COL14A1: variants seen among roughly 807,000 people sequenced by gnomAD.
The protein encoded by COL14A1 is collagen alpha-1(XIV) chain.
A neutral mutation model predicts 230.3 loss-of-function variants in COL14A1; 136 were observed. That is an observed-to-expected ratio of 0.59 (90% CI 0.51 to 0.68). The LOEUF is 0.68. Among genes scored for constraint, COL14A1 ranks in the 30% least tolerant of loss-of-function variants. COL14A1 has a pLI of 0.00. For synonymous variants in COL14A1, 792 were observed against 784.1 expected (o/e 1.01, Z -0.17); for missense variants, 1,976 against 2,215.8 (o/e 0.89, Z 2.17).
intron 5 of COL14A1, among the ~76,000 whole-genome samples, chr8:120,169,078 A>G (rs1355857930): frequency 1.3e-5 from 2 of 151,912 alleles, no homozygotes; most frequent in African/African-American, 2.4e-5. Context: ...CTGGTCTCGA[A>G]CTCCTGACCT....
chr8:120,163,345 A>G (rs1171848649), intron 4 of COL14A1, among the ~76,000 whole-genome samples: 1 of 152,172 alleles, frequency 6.6e-6, no homozygotes, highest in Non-Finnish European at 1.5e-5. Context: ...CAAATAGTAA[A>G]TTGGGCATTT....
chr8:120,264,983 C>T (rs935961642), intron 24 of COL14A1, among the ~76,000 whole-genome samples: 3 of 152,124 alleles, frequency 2.0e-5, no homozygotes, highest in Non-Finnish European at 4.4e-5. Flanking sequence ...TAAATGTTTT[C>T]CTTATGTTGG....
chr8:120,206,533 G>C (rs935023775), intron 9 of COL14A1, among the ~76,000 whole-genome samples: 5 of 152,190 alleles, frequency 3.3e-5, no homozygotes, highest in Non-Finnish European at 7.4e-5. Context: ...ATTTGTAGTA[G>C]AGACGGGGTT....
intron 6 of COL14A1, 66 bp from the exon 7 acceptor site, chr8:120,197,745 T>G (rs1817086997): frequency 1.3e-6 from 2 of 1,540,144 alleles, no homozygotes; most frequent in Non-Finnish European, 1.8e-6. Context: ...TCCAGTTTCT[T>G]GAGTAGCCCA....
chr8:120,319,796 G>A (rs147776758), intron 40 of COL14A1, among the ~76,000 whole-genome samples: 1 of 151,664 alleles, frequency 6.6e-6, no homozygotes, highest in Non-Finnish European at 1.5e-5. Flanking sequence ...ACAAGTTGCA[G>A]CCTCTTGCTA....
At chr8:120,317,625 A>T (rs1384164689) in intron 40 of COL14A1, among the ~76,000 whole-genome samples, 22 of 152,230 alleles carry the variant, frequency 1.4e-4, no homozygotes, top group Admixed American at 1.4e-3. Flanking sequence ...CTAAAGATTT[A>T]GTTCGGTGAG....
chr8:120,208,113 T>A, intron 10 of COL14A1, 119 bp from the exon 11 acceptor site: 1 of 994,012 alleles, frequency 1.0e-6, no homozygotes, highest in Non-Finnish European at 1.4e-6. Context: ...AAGGGGGATG[T>A]GGCACAAACA....
intron 40 of COL14A1, among the ~76,000 whole-genome samples, chr8:120,329,491 C>T (rs1821797018): frequency 6.6e-6 from 1 of 152,108 alleles, no homozygotes; most frequent in Non-Finnish European, 1.5e-5. Flanking sequence ...CCTATAGTCC[C>T]AGCCATGTGG....
rs147146394 is a variant in COL14A1 at position 120,278,212 on chromosome 8, C to T, written c.3315C>T (p.Tyr1105=). Residue 1105 remains tyrosine (Y), a synonymous_variant, in exon 27 of 48, where the codon TAC becomes TAT. Transcript: ENST00000297848. ...TTGATGCAATTAAACACATTTCATA[C>T]AAAGGAGGAAATACAAAAACAGGTA... ...TLLDAIKHIS[Y]KGGNTKTGKA... 4.5e-5 allele frequency: 73 copies of T among 1,608,842 alleles called. No individual in the cohort carries two copies. The highest frequency in any genetic ancestry group is 1.3e-4 in the South Asian group (12 of 90,250).
chr8:120,195,922 T>G (rs1817021626), intron 5 of COL14A1, among the ~76,000 whole-genome samples: 1 of 152,154 alleles, frequency 6.6e-6, no homozygotes, highest in East Asian at 1.9e-4. Context: ...CTTGGCTCGG[T>G]GTGAATAGAA....
chr8:120,181,098 G>A (rs1353946990), intron 5 of COL14A1, among the ~76,000 whole-genome samples: 12 of 152,128 alleles, frequency 7.9e-5, no homozygotes, highest in African/African-American at 2.7e-4. Context: ...ATCCAATTGC[G>A]GTGAACAAGG....
chr8:120,254,889 G>A (rs1394338061), intron 22 of COL14A1, among the ~76,000 whole-genome samples: 2 of 151,774 alleles, frequency 1.3e-5, no homozygotes, highest in African/African-American at 4.8e-5. Flanking sequence ...CTACTTGGAA[G>A]GCTGAGGTGG....
intron 26 of COL14A1, among the ~76,000 whole-genome samples, chr8:120,276,276 G>A (rs903676774): frequency 4.6e-5 from 7 of 150,966 alleles, no homozygotes; most frequent in East Asian, 2.0e-4. Context: ...ATCAAATACC[G>A]TATGTTCTCA....
chr8:120,264,565 T>C (rs1819449648), intron 24 of COL14A1, among the ~76,000 whole-genome samples: 1 of 152,206 alleles, frequency 6.6e-6, no homozygotes, highest in South Asian at 2.1e-4. Context: ...TCAACCCATA[T>C]GTCATCTAGC....
At chr8:120,261,623 G>A (rs1179198009) in intron 23 of COL14A1, among the ~76,000 whole-genome samples, 1 of 152,128 alleles carries the variant, frequency 6.6e-6, no homozygotes, top group African/African-American at 2.4e-5. Context: ...TAGTTAGTCA[G>A]GTCTCCAGAG....
intron 22 of COL14A1, among the ~76,000 whole-genome samples, chr8:120,253,145 G>A (rs1462860831): frequency 1.3e-5 from 2 of 152,124 alleles, no homozygotes; most frequent in African/African-American, 4.8e-5. Flanking sequence ...CTATAGCTGG[G>A]ATTACAAGCG....
At chr8:120,239,393 G>T (rs574154472) in intron 19 of COL14A1, among the ~76,000 whole-genome samples, 123 of 152,280 alleles carry the variant, frequency 8.1e-4, no homozygotes, top group African/African-American at 2.8e-3. Flanking sequence ...CACTCAAAAA[G>T]CCTTCAATGG....
rs1475052560 is a variant in COL14A1 at position 120,212,433 on chromosome 8, A to G, written c.1468-15A>G. 1 of 1,612,086 alleles carries G rather than the reference A, an allele frequency of 6.2e-7. No homozygotes were observed. Among genetic ancestry groups the G allele is most frequent in the Non-Finnish European group, 8.5e-7 (1 of 1,178,790 alleles). On this transcript the variant is annotated splice_polypyrimidine_tract_variant and intron_variant, in intron 12 of 47. Transcript: ENST00000297848. ...ATGTATTGGCAAATGATCTAACAACATGTGTTCTTTTCAGATGAAAATTGG... is the reference window on the plus strand; with the variant it reads ...ATGTATTGGCAAATGATCTAACAACGTGTGTTCTTTTCAGATGAAAATTGG...
intron 43 of COL14A1, 51 bp from the exon 44 acceptor site, chr8:120,342,329 G>A (rs771367838): frequency 2.1e-5 from 33 of 1,560,420 alleles, no homozygotes; most frequent in East Asian, 4.5e-5. Flanking sequence ...AGTCCTGGTA[G>A]TGTGGCTGGG....
Sources: allele counts gnomAD v4.1 joint callset (sites outside exome capture counted in the v4.1 genomes callset), GRCh38; gene constraint gnomAD v4.1.1; transcripts MANE v1.5; gene names NCBI Gene and HGNC (gene_info 2026-07-23, HGNC 2026-07-21).